The following C8orf34 variants were observed in gnomAD, a reference collection of about 807,000 sequenced individuals.
C8orf34 encodes the protein uncharacterized protein C8orf34.
In C8orf34, 65 loss-of-function variants were observed where a neutral mutation model predicts 68.3. The ratio of observed to expected loss-of-function variants is 0.95; its 90% confidence interval spans 0.78 to 1.17. C8orf34 has a LOEUF of 1.17. C8orf34 is among the 50% of genes most tolerant of loss of function. C8orf34 has a pLI of 0.00. For missense variants in C8orf34, 664 were observed against 655.4 expected, an observed-to-expected ratio of 1.01 and a Z score of -0.14; for synonymous variants, 244 against 241.2, an observed-to-expected ratio of 1.01 and a Z score of -0.11.
chr8:68,372,227 A>G (rs972287414), intron 1 of C8orf34, among the ~76,000 whole-genome samples: 1 of 152,202 alleles, frequency 6.6e-6, no homozygotes, highest in African/African-American at 2.4e-5. Context: ...GACATAATTC[A>G]TTACAGAGAA....
At chr8:68,793,725 G>T (rs1824080135) in intron 12 of C8orf34, among the ~76,000 whole-genome samples, 1 of 152,114 alleles carries the variant, frequency 6.6e-6, no homozygotes, top group Non-Finnish European at 1.5e-5. Context: ...TAGGTGGTGG[G>T]ATAATCTATG....
chr8:68,628,876 C>CT lies in C8orf34; in HGVS notation c.1106-11493dup, dbSNP rs1463977824. ...TATTTCCTTAAATTAAATCAAAACA[C>CT]TTTTTTTGTTTGATTAATTCTTGGT... On this transcript the variant is annotated intron_variant, in intron 7 of 13. Coordinates refer to ENST00000518698, the MANE Select transcript of C8orf34 (RefSeq NM_052958.4). Among the ~76,000 whole-genome samples, 5 of 152,154 alleles carry CT rather than the reference C, an allele frequency of 3.3e-5. No homozygotes were observed. In the East Asian group the frequency reaches 7.7e-4, roughly 24 times the overall value.
chr8:68,338,790 A>G (rs1404001231), intron 1 of C8orf34, among the ~76,000 whole-genome samples: 1 of 152,160 alleles, frequency 6.6e-6, no homozygotes, highest in African/African-American at 2.4e-5. Flanking sequence ...TAAACTAGTT[A>G]TTAAAGTGGA....
chr8:68,589,655 G>GAA (rs1817319819), intron 7 of C8orf34, among the ~76,000 whole-genome samples: 1 of 138,928 alleles, frequency 7.2e-6, no homozygotes, highest in Non-Finnish European at 1.5e-5. Flanking sequence ...AGAGGAGGAA[G>GAA]GAAAGGAGGA....
intron 1 of C8orf34, among the ~76,000 whole-genome samples, chr8:68,401,858 C>G (rs1158227407): frequency 9.7e-6 from 1 of 102,742 alleles, no homozygotes; most frequent in Non-Finnish European, 2.0e-5. Context: ...CTACAGTTCT[C>G]TTTTGTGTGT....
At chr8:68,767,314 A>G (rs1003052362) in intron 10 of C8orf34, among the ~76,000 whole-genome samples, 1 of 152,190 alleles carries the variant, frequency 6.6e-6, no homozygotes, top group Non-Finnish European at 1.5e-5. Flanking sequence ...GAAATAAACT[A>G]CTTGCATTTA....
At chr8:68,817,259 G>A (rs192466956) in intron 13 of C8orf34, among the ~76,000 whole-genome samples, 52 of 152,258 alleles carry the variant, frequency 3.4e-4, no homozygotes, top group African/African-American at 8.4e-4. Context: ...TGCATATCAG[G>A]AGAGTTCTAT....
At chr8:68,800,415 G>C (rs2129529546) in intron 12 of C8orf34, among the ~76,000 whole-genome samples, 1 of 152,230 alleles carries the variant, frequency 6.6e-6, no homozygotes, top group East Asian at 1.9e-4. Flanking sequence ...AGAGAGTAAA[G>C]TTAGACCAAT....
intron 13 of C8orf34, among the ~76,000 whole-genome samples, chr8:68,817,886 T>C (rs114155156): frequency 0.025 from 3,877 of 152,228 alleles, 139 homozygotes; most frequent in African/African-American, 0.089. Context: ...CCATCAGATC[T>C]TGTGAGACCT....
At chr8:68,625,122 G>A (rs1818500446) in intron 7 of C8orf34, among the ~76,000 whole-genome samples, 1 of 152,098 alleles carries the variant, frequency 6.6e-6, no homozygotes, top group African/African-American at 2.4e-5. Flanking sequence ...GGTGAACTTT[G>A]AGCAGACATG....
chr8:68,331,065 G>T lies in C8orf34; in HGVS notation c.53G>T (p.Gly18Val). The T allele has an allele frequency of 6.7e-7, 1 of 1,484,976 alleles. No homozygotes were observed. The highest frequency in any genetic ancestry group is 8.9e-7 in the Non-Finnish European group (1 of 1,128,826). 92.0% of individuals were successfully genotyped at this position (1,484,976 alleles called of 1,614,324 possible). Residue 18 changes from glycine (G) to valine (V), a missense_variant, in exon 1 of 14, where the codon GGC becomes GTC. Transcript: ENST00000518698. ...TCTGAGTTGGCGGCGCTGCGCCCAG[G>T]CTTCCGGCTCTCAGCGCCCCACGCG... ...ELSELAALRP[G>V]FRLSAPHARV...
intron 7 of C8orf34, among the ~76,000 whole-genome samples, chr8:68,568,189 T>TC (rs1288450858): frequency 1.3e-5 from 2 of 152,162 alleles, no homozygotes; most frequent in Non-Finnish European, 2.9e-5. Context: ...ACATCACTGA[T>TC]CGCAGATCAG....
intron 10 of C8orf34, among the ~76,000 whole-genome samples, chr8:68,755,460 G>C (rs1822828131): frequency 1.3e-5 from 2 of 152,138 alleles, no homozygotes; most frequent in South Asian, 4.1e-4. Flanking sequence ...GTTCTTCATA[G>C]ATATTTTGTA....
At chr8:68,509,081 C>T (rs910069526) in intron 5 of C8orf34, among the ~76,000 whole-genome samples, 2 of 152,208 alleles carry the variant, frequency 1.3e-5, no homozygotes, top group South Asian at 2.1e-4. Context: ...CTTTCTCATT[C>T]CCCCCTCTAA....
intron 4 of C8orf34, among the ~76,000 whole-genome samples, chr8:68,473,663 C>T (rs1327611772): frequency 6.6e-6 from 1 of 152,124 alleles, no homozygotes; most frequent in African/African-American, 2.4e-5. Context: ...GGCTTCCTTA[C>T]CCTCACTACC....
intron 8 of C8orf34, among the ~76,000 whole-genome samples, chr8:68,661,881 A>G (rs1412856089): frequency 6.6e-6 from 1 of 152,144 alleles, no homozygotes. Context: ...CCACCCAAAA[A>G]TATGACTGTA....
At chr8:68,802,526 G>A (rs1189783660) in intron 12 of C8orf34, among the ~76,000 whole-genome samples, 2 of 152,048 alleles carry the variant, frequency 1.3e-5, no homozygotes, top group African/African-American at 2.4e-5. Context: ...TTTGAGACAA[G>A]TTCTGTCTCT....
intron 3 of C8orf34, among the ~76,000 whole-genome samples, chr8:68,463,919 A>G (rs970800080): frequency 6.6e-6 from 1 of 152,184 alleles, no homozygotes; most frequent in Non-Finnish European, 1.5e-5. Context: ...CCTATTCAAC[A>G]TAGTGTTGGA....
At chr8:68,478,291 G>A (rs1467610550) in intron 4 of C8orf34, among the ~76,000 whole-genome samples, 4 of 152,136 alleles carry the variant, frequency 2.6e-5, no homozygotes, top group Non-Finnish European at 5.9e-5. Context: ...TAGCAAGAGT[G>A]ACCTTTGCTC....
Sources: allele counts gnomAD v4.1 joint callset (sites outside exome capture counted in the v4.1 genomes callset), GRCh38; gene constraint gnomAD v4.1.1; transcripts MANE v1.5; gene names NCBI Gene and HGNC (gene_info 2026-07-23, HGNC 2026-07-21).